Variants in KPNA7 observed in about 807,000 individuals in gnomAD.
The protein encoded by KPNA7 is karyopherin subunit alpha 7.
Under a neutral mutation model 53.7 loss-of-function variants are expected in KPNA7, and 54 were observed. That is an observed-to-expected ratio of 1.01 (90% confidence interval 0.81 to 1.26). KPNA7 has a LOEUF of 1.26. Ranked by LOEUF, KPNA7 falls within the 50% of genes most tolerant of loss-of-function variation. The pLI is 0.00. For missense variants in KPNA7, 640 were observed against 644.5 expected (o/e 0.99, Z 0.07); for synonymous variants, 276 against 259.3 (o/e 1.06, Z -0.62).
intron 2 of KPNA7, among the ~76,000 whole-genome samples, chr7:99,203,690 CTATATTTATATA>C (rs1162606174): frequency 2.0e-5 from 3 of 151,830 alleles, no homozygotes; most frequent in Admixed American, 6.6e-5. Context: ...ATCATTTCCA[CTATATTTATATA>C]TATATTTATA....
chr7:99,166,270 T>G, the KPNA7 span, among the ~76,000 whole-genome samples: 2 of 152,106 alleles, frequency 1.3e-5, no homozygotes, highest in African/African-American at 4.8e-5. Flanking sequence ...TTTCAACATC[T>G]CCTATCCATG....
chr7:99,181,402 A>C (rs1044058654), intron 9 of KPNA7, among the ~76,000 whole-genome samples: 2 of 152,228 alleles, frequency 1.3e-5, no homozygotes, highest in African/African-American at 4.8e-5. Flanking sequence ...GCATTGTCAT[A>C]GTCTGAGCAT....
intron 8 of KPNA7, among the ~76,000 whole-genome samples, chr7:99,182,723 A>G (rs1024631373): frequency 6.6e-6 from 1 of 152,162 alleles, no homozygotes; most frequent in African/African-American, 2.4e-5. Context: ...AAGCTCTAAG[A>G]TCAGATAGGC....
At chr7:99,164,227 T>C in the KPNA7 span, among the ~76,000 whole-genome samples, 2 of 151,354 alleles carry the variant, frequency 1.3e-5, no homozygotes, top group African/African-American at 2.4e-5. Flanking sequence ...AGCAAAGACT[T>C]GGAACCAACC....
At chr7:99,172,688 A>G (rs967567874), downstream of KPNA7, among the ~76,000 whole-genome samples, 5 of 152,164 alleles carry the variant, frequency 3.3e-5, no homozygotes, top group African/African-American at 1.2e-4. Context: ...CAGTGTCAGG[A>G]TATTAATTGC....
At chr7:99,215,658 C>A (rs549427392) in intron 1 of KPNA7, among the ~76,000 whole-genome samples, 45 of 152,124 alleles carry the variant, frequency 3.0e-4, no homozygotes, top group African/African-American at 1.1e-3. Flanking sequence ...TTGGCAGCGA[C>A]CAGGAGAGCT....
At chr7:99,194,288 C>T (rs1484493126) in intron 5 of KPNA7, among the ~76,000 whole-genome samples, 1 of 152,184 alleles carries the variant, frequency 6.6e-6, no homozygotes, top group East Asian at 1.9e-4. Context: ...GAAAGGTAGT[C>T]TGAGGATTCC....
chr7:99,189,441 G>A (rs1281852429), intron 6 of KPNA7, among the ~76,000 whole-genome samples: 1 of 151,898 alleles, frequency 6.6e-6, no homozygotes, highest in East Asian at 1.9e-4. Flanking sequence ...TGCCTTTAAA[G>A]ATTCCGCCCA....
At chr7:99,174,010 T>G (rs962173336) in intron 10 of KPNA7, among the ~76,000 whole-genome samples, 8 of 152,202 alleles carry the variant, frequency 5.3e-5, no homozygotes, top group Non-Finnish European at 7.3e-5. Flanking sequence ...TTTGTACCTA[T>G]TGCATCAGGG....
intron 1 of KPNA7, among the ~76,000 whole-genome samples, chr7:99,215,639 A>G (rs1437291282): frequency 6.6e-6 from 1 of 152,040 alleles, no homozygotes; most frequent in Non-Finnish European, 1.5e-5. Context: ...CTTTCCCTTC[A>G]CATGGCTGTT....
At chr7:99,176,321 G>A (rs112426922) in intron 10 of KPNA7, among the ~76,000 whole-genome samples, 984 of 65,960 alleles carry the variant, frequency 0.015, 37 homozygotes, top group African/African-American at 0.024. Flanking sequence ...AAGAAAGAAA[G>A]AAAGAAAGAA....
At position 99,181,012 on chromosome 7, in the gene KPNA7, T is replaced by C. The variant is rs1799210243; in HGVS notation, c.1317+871A>G. ...CTCTCTCCCCGTCTGTCTCTCTCTC[T>C]CTGTGTGTGTGTCTCTCTGTGTGTG... is the stretch of plus-strand genomic sequence containing the variant. On this transcript the variant is annotated intron_variant, in intron 9 of 10. Coordinates refer to ENST00000327442, the MANE Select transcript of KPNA7 (RefSeq NM_001145715.3). Among the ~76,000 whole-genome samples the C allele has an allele frequency of 5.8e-5, 2 of 34,712 alleles. 1 individual carries two copies. Among genetic ancestry groups the C allele is most frequent in the Non-Finnish European group, 1.5e-4 (2 of 13,252 alleles). 22.8% of individuals were successfully genotyped at this position (34,712 alleles called of 152,430 possible).
the KPNA7 span, among the ~76,000 whole-genome samples, chr7:99,150,421 C>CTTTTTTT: frequency 9.7e-3 from 145 of 14,896 alleles, 2 homozygotes; most frequent in African/African-American, 0.02. Context: ...AATCATTCTT[C>CTTTTTTT]TCTTTTTTTT....
intron 1 of KPNA7, among the ~76,000 whole-genome samples, chr7:99,213,571 G>A (rs1466278513): frequency 6.6e-6 from 1 of 151,642 alleles, no homozygotes; most frequent in Non-Finnish European, 1.5e-5. Context: ...AGCTTCCTGA[G>A]TAGCTGGGAC....
chr7:99,180,648 T>A (rs1244387327), intron 9 of KPNA7, among the ~76,000 whole-genome samples: 1 of 147,316 alleles, frequency 6.8e-6, no homozygotes, highest in African/African-American at 2.5e-5. Context: ...TCTCCGTCTC[T>A]GTCTCTCTCT....
At chr7:99,165,793 T>C in the KPNA7 span, among the ~76,000 whole-genome samples, 9 of 152,258 alleles carry the variant, frequency 5.9e-5, 2 homozygotes, top group Middle Eastern at 0.024. Flanking sequence ...CTTGAACTCC[T>C]GGGCTCAAGG....
chr7:99,216,478 C>T (rs1351023488), intron 1 of KPNA7, among the ~76,000 whole-genome samples: 2 of 152,302 alleles, frequency 1.3e-5, no homozygotes, highest in East Asian at 3.9e-4. Context: ...TGTAAGACCC[C>T]TGCCCTGTGT....
chr7:99,202,435 T>A (rs1790585176), intron 3 of KPNA7, among the ~76,000 whole-genome samples: 1 of 152,148 alleles, frequency 6.6e-6, no homozygotes, highest in Non-Finnish European at 1.5e-5. Flanking sequence ...GTCAAAGTGT[T>A]AGGAAAGACC....
Position 99,181,079 on chromosome 7 carries a change from G to GTCTCTCTCTCTCTCTCCGTCTGTGTC in KPNA7, c.1317+778_1317+803dup, listed in dbSNP as rs1799231020. On this transcript the variant is annotated intron_variant, in intron 9 of 10. Transcript: ENST00000327442. ...CGTCTGTGTCTCTCTCTCCATCTGTGTCTCTCTCTCTCTCTCCGTCTGTGT... is the reference window on the plus strand; with the variant it reads ...CGTCTGTGTCTCTCTCTCCATCTGTGTCTCTCTCTCTCTCTCCGTCTGTGTCTCTCTCTCTCTCTCTCCGTCTGTGT... Among the ~76,000 whole-genome samples, 95 of 56,134 alleles carry GTCTCTCTCTCTCTCTCCGTCTGTGTC rather than the reference G, an allele frequency of 1.7e-3. 42 individuals carry two copies. The highest frequency in any genetic ancestry group is 7.2e-3 in the South Asian group (9 of 1,256). 36.8% of individuals were successfully genotyped at this position (56,134 alleles called of 152,430 possible). A position where few individuals can be genotyped will look rare whatever the true frequency, so the allele number is the denominator to read the frequency against.
Sources: gnomAD v4.1 joint callset for allele counts (sites outside exome capture counted in the v4.1 genomes callset) on GRCh38, gnomAD v4.1.1 for gene constraint, MANE v1.5 for transcripts, NCBI Gene and HGNC (gene_info 2026-07-23, HGNC 2026-07-21) for gene names.